Variants in BTBD16 observed in about 807,000 individuals in gnomAD.
BTBD16 encodes BTB domain containing 16.
In BTBD16, 66 loss-of-function variants were observed where a neutral mutation model predicts 67.4. The observed-to-expected ratio is 0.98, with a 90% CI of 0.80 to 1.20. BTBD16 has a LOEUF of 1.20. Among genes scored for constraint, BTBD16 ranks in the 50% most tolerant of loss-of-function variants. The probability of loss-of-function intolerance (pLI) is 0.00; values close to 1 mark genes in which losing one functional copy is unlikely to be tolerated. For missense variants in BTBD16, 634 were observed against 616.0 expected (o/e 1.03, Z -0.31); for synonymous variants, 242 against 236.4 (o/e 1.02, Z -0.22).
At chr10:122,320,066 A>C (rs1344952123) in intron 10 of BTBD16, among the ~76,000 whole-genome samples, 1 of 152,154 alleles carries the variant, frequency 6.6e-6, no homozygotes, top group Non-Finnish European at 1.5e-5. Flanking sequence ...ATACAACCTT[A>C]GTAGAACTCA....
Position 122,283,869 on chromosome 10 carries a change from C to A in BTBD16, c.186C>A (p.Ile62=). The change falls in exon 4 of 16, where the codon ATC becomes ATA. Residue 62 remains isoleucine (I), a synonymous_variant. Transcript: ENST00000260723. ...RNPDRLCISQ[I]QKFFFENFKN... is the part of the protein sequence containing the mutation. The stretch of plus-strand genomic sequence containing the variant: ...CCTTGAGGTTATGCATTTCACAAAT[C>A]CAGAAGTTTTTCTTTGAGAATTTCA... The A allele has an allele frequency of 6.2e-7, 1 of 1,614,040 alleles. No individual in the cohort carries two copies. Among genetic ancestry groups the A allele is most frequent in the Non-Finnish European group, 8.5e-7 (1 of 1,179,948 alleles).
chr10:122,313,710 AC>A (rs145998832), intron 10 of BTBD16, among the ~76,000 whole-genome samples: 2,236 of 152,170 alleles, frequency 0.015, 57 homozygotes, highest in African/African-American at 0.051. Flanking sequence ...TGAGGGAGGG[AC>A]CATGGTCACG....
chr10:122,295,478 G>C, intron 7 of BTBD16: 6 of 985,432 alleles, frequency 6.1e-6, no homozygotes, highest in Non-Finnish European at 7.2e-6. Context: ...CTGGGCTTGG[G>C]AGGGGAGAGT....
intron 1 of BTBD16, among the ~76,000 whole-genome samples, chr10:122,272,222 G>T (rs922993641): frequency 6.6e-6 from 1 of 152,242 alleles, no homozygotes; most frequent in African/African-American, 2.4e-5. Flanking sequence ...TCTGAAAGCT[G>T]GTTGAACAGC....
At chr10:122,303,662 T>C in intron 9 of BTBD16, 1 of 884,852 alleles carries the variant, frequency 1.1e-6, no homozygotes, top group Non-Finnish European at 1.4e-6. Context: ...CAGTGAAAAA[T>C]AGAGGACAGT....
intron 3 of BTBD16, among the ~76,000 whole-genome samples, chr10:122,280,505 T>C (rs1175116585): frequency 6.6e-6 from 1 of 151,958 alleles, no homozygotes; most frequent in Non-Finnish European, 1.5e-5. Context: ...CATTCAAGGG[T>C]GGGAGGAGGT....
intron 1 of BTBD16, among the ~76,000 whole-genome samples, chr10:122,271,739 C>T (rs73359748): frequency 0.083 from 12,588 of 152,090 alleles, 762 homozygotes; most frequent in African/African-American, 0.17. Context: ...TCAAAACACA[C>T]GAAGGGGCAG....
chr10:122,304,687 TG>T (rs1247564664), intron 9 of BTBD16, among the ~76,000 whole-genome samples: 1 of 151,716 alleles, frequency 6.6e-6, no homozygotes, highest in African/African-American at 2.4e-5. Flanking sequence ...CCTGAGTAGC[TG>T]GGACTCAGGC....
At chr10:122,279,511 A>ACACACAC (rs2096347757) in intron 3 of BTBD16, among the ~76,000 whole-genome samples, 2 of 143,868 alleles carry the variant, frequency 1.4e-5, no homozygotes, top group Non-Finnish European at 3.0e-5. Context: ...GAGAAAGAGA[A>ACACACAC]ACACACACAC....
intron 1 of BTBD16, among the ~76,000 whole-genome samples, chr10:122,273,221 G>GAT (rs71715395): frequency 0.031 from 4,055 of 129,392 alleles, 92 homozygotes; most frequent in African/African-American, 0.049. Context: ...GCAACACAAA[G>GAT]ATATATATAT....
intron 10 of BTBD16, among the ~76,000 whole-genome samples, chr10:122,316,250 G>A (rs1417523366): frequency 1.3e-5 from 2 of 152,106 alleles, no homozygotes; most frequent in African/African-American, 2.4e-5. Context: ...CTGGGTGACT[G>A]AACGAGACTC....
intron 8 of BTBD16, among the ~76,000 whole-genome samples, chr10:122,298,113 A>G (rs2096387007): frequency 6.6e-6 from 1 of 152,172 alleles, no homozygotes; most frequent in Non-Finnish European, 1.5e-5. Context: ...ACAGCCGAAG[A>G]CCTTCCAGAA....
intron 10 of BTBD16, chr10:122,327,460 G>A: frequency 2.9e-6 from 1 of 348,688 alleles, no homozygotes; most frequent in Non-Finnish European, 4.0e-6. Context: ...TCTCCCCAAG[G>A]CACCACCTGT....
At chr10:122,327,536 G>A (rs1024303754) in intron 10 of BTBD16, 2 of 961,694 alleles carry the variant, frequency 2.1e-6, no homozygotes, top group Admixed American at 6.2e-5. Flanking sequence ...GACTGTGGCT[G>A]GCTGGGCTGG....
At chr10:122,303,180 C>T (rs1312248858) in intron 9 of BTBD16, among the ~76,000 whole-genome samples, 2 of 152,110 alleles carry the variant, frequency 1.3e-5, no homozygotes, top group East Asian at 1.9e-4. Flanking sequence ...AAGCAGAAGT[C>T]GCCTATGTTT....
intron 10 of BTBD16, among the ~76,000 whole-genome samples, chr10:122,326,364 G>A (rs752535849): frequency 3.9e-4 from 59 of 152,070 alleles, no homozygotes; most frequent in Non-Finnish European, 7.2e-4. Context: ...GCCCCTGGCA[G>A]CCACCGTTCT....
intron 1 of BTBD16, among the ~76,000 whole-genome samples, chr10:122,272,706 C>CACAG (rs1011970289): frequency 2.0e-5 from 3 of 149,076 alleles, no homozygotes; most frequent in African/African-American, 7.5e-5. Context: ...CACACACACA[C>CACAG]AGGACATATT....
At chr10:122,337,220 AC>A (rs2096464669) in intron 15 of BTBD16, among the ~76,000 whole-genome samples, 1 of 152,184 alleles carries the variant, frequency 6.6e-6, no homozygotes, top group African/African-American at 2.4e-5. Flanking sequence ...CATCAGAATC[AC>A]CTGGGGGCCT....
intron 5 of BTBD16, among the ~76,000 whole-genome samples, chr10:122,288,183 C>T (rs896292420): frequency 6.6e-6 from 1 of 152,228 alleles, no homozygotes; most frequent in African/African-American, 2.4e-5. Context: ...TTAACTGCCA[C>T]CTCCTGCATG....
Sources: gnomAD v4.1 joint callset for allele counts (sites outside exome capture counted in the v4.1 genomes callset) on GRCh38, gnomAD v4.1.1 for gene constraint, MANE v1.5 for transcripts, NCBI Gene and HGNC (gene_info 2026-07-23, HGNC 2026-07-21) for gene names.